Variants in DCUN1D5 observed in about 807,000 individuals in gnomAD.
DCUN1D5 encodes the protein DCN1-like protein 5.
In DCUN1D5, 10 loss-of-function variants were observed where a neutral mutation model predicts 38.3. The ratio of observed to expected loss-of-function variants is 0.26; its 90% confidence interval spans 0.16 to 0.44. DCUN1D5 has a LOEUF of 0.44. Among genes scored for constraint, DCUN1D5 ranks in the 20% least tolerant of loss-of-function variants. The pLI is 1.00. For missense variants in DCUN1D5, 148 were observed against 275.3 expected (o/e 0.54, Z 3.27); for synonymous variants, 93 against 90.9 (o/e 1.02, Z -0.13).
In DCUN1D5 at chr11:103,073,288, C is replaced by CA. The variant is rs916283088; in HGVS notation, c.342-6722dup. ...CTTCCAGTATTCAAAGCAAGACTGA[C>CA]AAAAAAAGAGAGAAGACAAAAATTA... On this transcript the variant is annotated intron_variant, in intron 4 of 7. Coordinates refer to ENST00000260247, the MANE Select transcript of DCUN1D5 (RefSeq NM_032299.4). This position sits in a 1 kb window ranked among gnomAD's most constrained non-coding sequence, Gnocchi z 4.2. Among the ~76,000 whole-genome samples the CA allele has an allele frequency of 6.6e-5, 10 of 151,382 alleles. No individual in the cohort carries two copies. The highest frequency in any genetic ancestry group is 1.5e-4 in the African/African-American group (6 of 41,184).
rs192241558 is a variant in DCUN1D5, at chr11:103,061,108, T to C, written c.*1251A>G. Among the ~76,000 whole-genome samples, 74 of 152,282 alleles carry C rather than the reference T, an allele frequency of 4.9e-4. No individual in the cohort carries two copies. Among genetic ancestry groups the C allele is most frequent in the Non-Finnish European group, 7.9e-4 (54 of 68,008 alleles). On this transcript the variant is annotated 3_prime_UTR_variant, in exon 8 of 8. Transcript: ENST00000260247. ...AACAATAAAACACTTTAAAATGTCA[T>C]TCTCTTAGGTAATCAATATGGAGAA...
In DCUN1D5 at chr11:103,065,269, A is replaced by T. The variant is rs542294131; in HGVS notation, c.556-892T>A. On this transcript the variant is annotated intron_variant, in intron 6 of 7. Coordinates refer to ENST00000260247, the MANE Select transcript of DCUN1D5 (RefSeq NM_032299.4). This position sits in a 1 kb window ranked among gnomAD's most constrained non-coding sequence, Gnocchi z 4.6. ...CTGGTTCAAGCAATTCTCGTGCCTC[A>T]GCCTCCCGAGTAGCTGGGACTACAG... Among the ~76,000 whole-genome samples, 17 of 151,914 alleles carry T rather than the reference A, an allele frequency of 1.1e-4. No homozygotes were observed. The highest frequency in any genetic ancestry group is 1.5e-5 in the Non-Finnish European group (1 of 67,986).
chr11:103,090,237 G>A (rs1423449317), intron 1 of DCUN1D5, among the ~76,000 whole-genome samples: 2 of 152,108 alleles, frequency 1.3e-5, no homozygotes, highest in Non-Finnish European at 2.9e-5. Flanking sequence ...TACTTAAGAT[G>A]GCCATGATAT....
chr11:103,053,641 GAATAT>G lies in DCUN1D5; in HGVS notation c.*8713_*8717del, dbSNP rs1861801480. 1 of 150,568 alleles carries G rather than the reference GAATAT, an allele frequency of 6.6e-6. No homozygotes were observed. Among genetic ancestry groups the G allele is most frequent in the Non-Finnish European group, 1.5e-5 (1 of 67,626 alleles). The allele number at this position is 150,568 out of a possible 1,614,324, so 9.3% of individuals were successfully genotyped here. A position where few individuals can be genotyped will look rare whatever the true frequency, so the allele number is the denominator to read the frequency against. ...ATGTATCAATGAATTTTAATTATATGAATATATCATACTATCACATGTACCCCCAA... is the reference window on the plus strand; with the variant it reads ...ATGTATCAATGAATTTTAATTATATGATCATACTATCACATGTACCCCCAA... On this transcript the variant is annotated 3_prime_UTR_variant, in exon 8 of 8. Transcript: ENST00000260247. The surrounding 1 kb of genome is among the most constrained non-coding windows in gnomAD (Gnocchi z 4.8).
At position 103,057,026 on chromosome 11, in the gene DCUN1D5, AAAG is replaced by A. The variant is rs1861892043; in HGVS notation, c.*5330_*5332del. Among the ~76,000 whole-genome samples, 1 of 150,352 alleles carries A rather than the reference AAAG, an allele frequency of 6.7e-6. No homozygotes were observed. The highest frequency in any genetic ancestry group is 6.6e-5 in the Admixed American group (1 of 15,210). Reference sequence around the variant, plus strand: ...AGTGACATTAACAGGAATGTCACAAAAAGAAAATCAAACTCAGGTTTCTCAGAT... The same window carrying A: ...AGTGACATTAACAGGAATGTCACAAAAAAATCAAACTCAGGTTTCTCAGAT... On this transcript the variant is annotated 3_prime_UTR_variant, in exon 8 of 8. Transcript: ENST00000260247. This position sits in a 1 kb window ranked among gnomAD's most constrained non-coding sequence, Gnocchi z 4.8.
In DCUN1D5 at chr11:103,062,573, A is replaced by C. The variant is rs1371547067; in HGVS notation, c.659-159T>G. Among the ~76,000 whole-genome samples, 1 of 151,986 alleles carries C rather than the reference A, an allele frequency of 6.6e-6. No individual in the cohort carries two copies. Among genetic ancestry groups the C allele is most frequent in the Non-Finnish European group, 1.5e-5 (1 of 67,938 alleles). ...TTATTCCATTTAATGGTGCTTTCTT[A>C]TTAGCCTTTTCTTTTTTGCCCTTAA... On this transcript the variant is annotated intron_variant, in intron 7 of 7. Transcript: ENST00000260247. The surrounding 1 kb of genome is among the most constrained non-coding windows in gnomAD (Gnocchi z 4.6).
At chr11:103,072,254 G>T (rs1476051724) in intron 4 of DCUN1D5, among the ~76,000 whole-genome samples, 1 of 150,734 alleles carries the variant, frequency 6.6e-6, no homozygotes, top group African/African-American at 2.5e-5. Context: ...TGGAGAAATA[G>T]GAATGATTTT....
rs932764825 is a variant in DCUN1D5 at position 103,078,874 on chromosome 11, G to C, written c.341+3874C>G. Among the ~76,000 whole-genome samples, 10 of 152,162 alleles carry C rather than the reference G, an allele frequency of 6.6e-5. No homozygotes were observed. The highest frequency in any genetic ancestry group is 1.5e-4 in the Non-Finnish European group (10 of 68,032). On this transcript the variant is annotated intron_variant, in intron 4 of 7. Coordinates refer to ENST00000260247, the MANE Select transcript of DCUN1D5 (RefSeq NM_032299.4). This position sits in a 1 kb window ranked among gnomAD's most constrained non-coding sequence, Gnocchi z 4.6. ...CCTACATTTACCTACCTACTCAGCT[G>C]AAATTAACCTTACTCATCTGTGCTT...
In DCUN1D5 at chr11:103,091,612, A is replaced by G; in HGVS notation, c.86+175T>C. 1.7e-6 allele frequency: 2 copies of G among 1,151,548 alleles called. No homozygotes were observed. Among genetic ancestry groups the G allele is most frequent in the South Asian group, 2.7e-5 (2 of 74,516 alleles). 71.3% of individuals were successfully genotyped at this position (1,151,548 alleles called of 1,614,324 possible). Reference sequence around the variant, plus strand: ...AACGCCAGCGTGCACACACTCGAACACGAGGTCGGGTCGGGCGCGGAGACT... The same window carrying G: ...AACGCCAGCGTGCACACACTCGAACGCGAGGTCGGGTCGGGCGCGGAGACT... On this transcript the variant is annotated intron_variant, in intron 1 of 7. Coordinates refer to ENST00000260247, the MANE Select transcript of DCUN1D5 (RefSeq NM_032299.4). The surrounding 1 kb of genome is among the most constrained non-coding windows in gnomAD (Gnocchi z 4.3).
In DCUN1D5 at chr11:103,056,140, T is replaced by C. The variant is rs1467221220; in HGVS notation, c.*6219A>G. Reference sequence around the variant, plus strand: ...GTCACCTGGATTTACCATATTATCTTCCTACTACTACCTGCTTCCATCCTT... The same window carrying C: ...GTCACCTGGATTTACCATATTATCTCCCTACTACTACCTGCTTCCATCCTT... On this transcript the variant is annotated 3_prime_UTR_variant, in exon 8 of 8. Transcript: ENST00000260247. The surrounding 1 kb of genome is among the most constrained non-coding windows in gnomAD (Gnocchi z 4.9). Among the ~76,000 whole-genome samples the C allele has an allele frequency of 6.6e-6, 1 of 152,140 alleles. No individual in the cohort carries two copies. The highest frequency in any genetic ancestry group is 1.5e-5 in the Non-Finnish European group (1 of 68,016).
At chr11:103,067,948 T>G (rs1209548709) in intron 4 of DCUN1D5, among the ~76,000 whole-genome samples, 1 of 152,128 alleles carries the variant, frequency 6.6e-6, no homozygotes, top group Non-Finnish European at 1.5e-5. Flanking sequence ...AACCCTGGAA[T>G]TAGCATCTGT....
At chr11:103,069,107 C>CT (rs1380654454) in intron 4 of DCUN1D5, among the ~76,000 whole-genome samples, 6 of 152,140 alleles carry the variant, frequency 3.9e-5, no homozygotes, top group African/African-American at 1.2e-4. Flanking sequence ...CACACTCACT[C>CT]TCTCCTAGGT....
chr11:103,069,521 A>C (rs1324814393), intron 4 of DCUN1D5, among the ~76,000 whole-genome samples: 1 of 152,144 alleles, frequency 6.6e-6, no homozygotes, highest in Non-Finnish European at 1.5e-5. Context: ...GGAAATCGAA[A>C]CCACACAGGT....
At chr11:103,068,013 T>G (rs1862176044) in intron 4 of DCUN1D5, among the ~76,000 whole-genome samples, 1 of 152,198 alleles carries the variant, frequency 6.6e-6, no homozygotes, top group Admixed American at 6.5e-5. Context: ...AAACCAACAT[T>G]TTTAATGGCC....
chr11:103,062,510 G>T lies in DCUN1D5; in HGVS notation c.659-96C>A, dbSNP rs771212791. On this transcript the variant is annotated intron_variant, in intron 7 of 7. Coordinates refer to ENST00000260247, the MANE Select transcript of DCUN1D5 (RefSeq NM_032299.4). This position sits in a 1 kb window ranked among gnomAD's most constrained non-coding sequence, Gnocchi z 4.6. The stretch of plus-strand genomic sequence containing the variant: ...ACGAGCTCTGCAATGACAGAGGAAT[G>T]ACCCTTCCTTTCTTTGGGTGTTCTG... 2.0e-4 allele frequency: 208 copies of T among 1,026,864 alleles called. No homozygotes were observed. The highest frequency in any genetic ancestry group is 3.0e-4 in the Non-Finnish European group (202 of 679,286). 63.6% of individuals were successfully genotyped at this position (1,026,864 alleles called of 1,614,324 possible).
chr11:103,080,442 G>C (rs971898845), intron 4 of DCUN1D5, among the ~76,000 whole-genome samples: 1 of 152,062 alleles, frequency 6.6e-6, no homozygotes, highest in African/African-American at 2.4e-5. Context: ...AAAATTCAAG[G>C]AGTAATAAGA....
At chr11:103,075,520 T>C (rs1360064562) in intron 4 of DCUN1D5, among the ~76,000 whole-genome samples, 1 of 152,194 alleles carries the variant, frequency 6.6e-6, no homozygotes, top group African/African-American at 2.4e-5. Flanking sequence ...TAGCTGGGAC[T>C]ATAGGCGCAT....
chr11:103,057,570 C>T lies in DCUN1D5; in HGVS notation c.*4789G>A, dbSNP rs1180331031. On this transcript the variant is annotated 3_prime_UTR_variant, in exon 8 of 8. Transcript: ENST00000260247. This position sits in a 1 kb window ranked among gnomAD's most constrained non-coding sequence, Gnocchi z 4.8. ...AACAAACAAAAAAAAAAATACAAAA[C>T]TTAGCTGGGCATGGTGGCAGGCATC... is the stretch of plus-strand genomic sequence containing the variant. Among the ~76,000 whole-genome samples the T allele has an allele frequency of 1.3e-5, 2 of 151,244 alleles. No individual in the cohort carries two copies. The highest frequency in any genetic ancestry group is 2.4e-5 in the African/African-American group (1 of 41,178).
In DCUN1D5 at chr11:103,057,424, C is replaced by G. The variant is rs537534617; in HGVS notation, c.*4935G>C. 1.7e-4 allele frequency among the ~76,000 whole-genome samples: 26 copies of G among 151,912 alleles called. No individual in the cohort carries two copies. Among genetic ancestry groups the G allele is most frequent in the Non-Finnish European group, 3.2e-4 (22 of 67,970 alleles). ...TCTATGTGAAAAAGTTAATTATTTC[C>G]CAGGAGTGGTGGCTCACACCTGTAA... On this transcript the variant is annotated 3_prime_UTR_variant, in exon 8 of 8. Coordinates refer to ENST00000260247, the MANE Select transcript of DCUN1D5 (RefSeq NM_032299.4). The surrounding 1 kb of genome is among the most constrained non-coding windows in gnomAD (Gnocchi z 4.8).
Sources: allele counts gnomAD v4.1 joint callset (sites outside exome capture counted in the v4.1 genomes callset), GRCh38; gene constraint gnomAD v4.1.1; non-coding constraint Gnocchi (gnomAD v3.1); transcripts MANE v1.5; gene names NCBI Gene and HGNC (gene_info 2026-07-23, HGNC 2026-07-21).